The following PTPRE variants were observed in gnomAD, a reference collection of about 807,000 sequenced individuals.
PTPRE encodes protein tyrosine phosphatase receptor type E, also known as receptor-type tyrosine-protein phosphatase epsilon.
A neutral mutation model predicts 102.0 loss-of-function variants in PTPRE; 51 were observed. The observed-to-expected ratio is 0.50, with a 90% CI of 0.40 to 0.63. The LOEUF is 0.63. Among genes scored for constraint, PTPRE ranks in the 30% least tolerant of loss-of-function variants. The pLI, the probability that PTPRE is intolerant of heterozygous loss-of-function variation, is 0.00. For missense variants in PTPRE, 752 were observed against 915.1 expected (o/e 0.82, Z 2.30); for synonymous variants, 345 against 348.2 (o/e 0.99, Z 0.10).
chr10:127,966,719 C>T (rs891796492), intron 1 of PTPRE, among the ~76,000 whole-genome samples: 2 of 152,178 alleles, frequency 1.3e-5, no homozygotes, highest in African/African-American at 4.8e-5. Flanking sequence ...GTTGAGGTAA[C>T]TGCCCAGGCT....
intron 1 of PTPRE, among the ~76,000 whole-genome samples, chr10:127,925,656 C>T (rs1846949887): frequency 6.6e-6 from 1 of 152,276 alleles, no homozygotes; most frequent in Middle Eastern, 3.4e-3. Context: ...GCCTGCTAGG[C>T]CCTTCCAGCT....
Position 128,079,599 on chromosome 10 carries a change from C to T in PTPRE, c.1932C>T (p.Ser644=), listed in dbSNP as rs766120908. The change falls in exon 20 of 21, where the codon AGC becomes AGT. Residue 644 remains serine, a synonymous_variant. Transcript: ENST00000254667. The stretch of plus-strand genomic sequence containing the variant: ...GAACAGGTACATTCATAGCCCTCAG[C>T]AACATTTTGGAGCGAGTAAAAGCCG... ...AGRTGTFIAL[S]NILERVKAEG... 95 of 1,614,136 alleles carry T rather than the reference C, an allele frequency of 5.9e-5. 1 individual carries two copies. In the Middle Eastern group the frequency reaches 4.1e-3, roughly 70 times the overall value.
chr10:127,917,202 T>C (rs778001538), intron 1 of PTPRE, among the ~76,000 whole-genome samples: 15 of 150,228 alleles, frequency 1.0e-4, no homozygotes, highest in Non-Finnish European at 1.8e-4. Flanking sequence ...GAGATGATGG[T>C]GCGCCCAGGG....
At chr10:127,911,338 G>A (rs952824774) in intron 1 of PTPRE, among the ~76,000 whole-genome samples, 6 of 152,168 alleles carry the variant, frequency 3.9e-5, no homozygotes, top group Non-Finnish European at 7.4e-5. Context: ...TCCAGTGATC[G>A]ATGAGGCAGA....
At chr10:128,061,258 T>C (rs941718524) in intron 8 of PTPRE, among the ~76,000 whole-genome samples, 7 of 152,276 alleles carry the variant, frequency 4.6e-5, no homozygotes, top group African/African-American at 1.4e-4. Context: ...CCTGACCAAA[T>C]AGAACAGGGA....
In PTPRE at chr10:128,046,972, G is replaced by A. The variant is rs1848142544; in HGVS notation, c.110-418G>A. 9.9e-5 allele frequency among the ~76,000 whole-genome samples: 15 copies of A among 152,200 alleles called. 1 individual carries two copies. The highest frequency in any genetic ancestry group is 9.8e-4 in the Admixed American group (15 of 15,290). On this transcript the variant is annotated intron_variant, in intron 3 of 20. Transcript: ENST00000254667. ...AGGGCCAGGCCGCCTCCCTGTGCCT[G>A]AGCTCCTGCCCAAGCCCAAGGGGCC...
chr10:128,049,732 G>A (rs1848403298), intron 6 of PTPRE, 66 bp downstream of exon 6: 1 of 1,601,498 alleles, frequency 6.2e-7, no homozygotes, highest in South Asian at 1.1e-5. Flanking sequence ...CAGTGTTAGA[G>A]TTCAGGATGA....
intron 11 of PTPRE, among the ~76,000 whole-genome samples, chr10:128,067,543 C>A (rs1267660552): frequency 2.0e-5 from 3 of 152,236 alleles, no homozygotes; most frequent in Admixed American, 6.5e-5. Context: ...CACATGCATA[C>A]ATGTGCACAC....
intron 7 of PTPRE, among the ~76,000 whole-genome samples, chr10:128,057,422 C>T (rs1849085293): frequency 6.6e-6 from 1 of 152,126 alleles, no homozygotes; most frequent in Non-Finnish European, 1.5e-5. Flanking sequence ...CTGCCAGGGC[C>T]TTGGTGGGAT....
intron 1 of PTPRE, among the ~76,000 whole-genome samples, chr10:127,945,245 T>C (rs1362011779): frequency 6.6e-6 from 1 of 152,232 alleles, no homozygotes; most frequent in East Asian, 1.9e-4. Flanking sequence ...CCCTGCTTAG[T>C]TGTGCTGCTG....
chr10:128,064,119 G>T (rs766416495), intron 10 of PTPRE, among the ~76,000 whole-genome samples: 4 of 152,236 alleles, frequency 2.6e-5, no homozygotes, highest in Non-Finnish European at 5.9e-5. Flanking sequence ...GGGAAGGGCT[G>T]CCATTTTTAG....
rs529158517 is a variant in PTPRE, at chr10:127,977,518, G to A, written c.-30-4756G>A. Among the ~76,000 whole-genome samples the A allele has an allele frequency of 2.0e-3, 311 of 152,292 alleles. 5 individuals carry two copies. The highest frequency in any genetic ancestry group is 1.7e-3 in the Non-Finnish European group (115 of 68,024). ...TTCTGCCCACTCGAATGCTTGTGGC[G>A]CCTTAAGCCAAGGTTGTGTGTAAAA... On this transcript the variant is annotated intron_variant, in intron 1 of 20. Coordinates refer to ENST00000254667, the MANE Select transcript of PTPRE (RefSeq NM_006504.6).
At chr10:127,972,030 C>T (rs1285104076) in intron 1 of PTPRE, among the ~76,000 whole-genome samples, 6 of 152,184 alleles carry the variant, frequency 3.9e-5, no homozygotes, top group South Asian at 4.1e-4. Context: ...AGTTTGGAGC[C>T]GGGTGGGAAG....
At position 128,028,379 on chromosome 10, in the gene PTPRE, T is replaced by A. The variant is rs1846441064; in HGVS notation, c.-7-12496T>A. 6.6e-6 allele frequency among the ~76,000 whole-genome samples: 1 copy of A among 152,138 alleles called. No individual in the cohort carries two copies. Among genetic ancestry groups the A allele is most frequent in the Non-Finnish European group, 1.5e-5 (1 of 68,008 alleles). ...GGGATTAGGACCTGAAGGATATCAT[T>A]GAGCCCGCGCCCGCCCCAGGCTGGA... On this transcript the variant is annotated intron_variant, in intron 2 of 20. Transcript: ENST00000254667. This position sits in a 1 kb window ranked among gnomAD's most constrained non-coding sequence, Gnocchi z 4.5.
chr10:128,058,378 G>A (rs1477833895), intron 7 of PTPRE, among the ~76,000 whole-genome samples: 3 of 152,240 alleles, frequency 2.0e-5, no homozygotes, highest in Non-Finnish European at 4.4e-5. Context: ...GCCTGAAAGT[G>A]TAGTCAGATT....
chr10:127,957,409 C>T (rs1849482874), intron 1 of PTPRE, among the ~76,000 whole-genome samples: 1 of 152,154 alleles, frequency 6.6e-6, no homozygotes, highest in Non-Finnish European at 1.5e-5. Flanking sequence ...ATTTCTCTTC[C>T]ATTCTGTTGG....
Position 127,997,164 on chromosome 10 carries a change from A to T in PTPRE, c.-8+14868A>T, listed in dbSNP as rs1853351978. ...TTCAAACAGCAGCCTCTGAAGTACA[A>T]TCCAGATTATTTCTCCCCTTTTGAT... On this transcript the variant is annotated intron_variant, in intron 2 of 20. Coordinates refer to ENST00000254667, the MANE Select transcript of PTPRE (RefSeq NM_006504.6). Among the ~76,000 whole-genome samples the T allele has an allele frequency of 2.0e-5, 3 of 152,292 alleles. No homozygotes were observed. In the Middle Eastern group the frequency reaches 0.01, roughly 518 times the overall value.
At chr10:127,954,045 A>G (rs2135357619) in intron 1 of PTPRE, among the ~76,000 whole-genome samples, 1 of 152,370 alleles carries the variant, frequency 6.6e-6, no homozygotes, top group East Asian at 1.9e-4. Flanking sequence ...TTTGTGTTCC[A>G]TATCAATGCC....
chr10:128,035,089 C>A (rs1266146828), intron 2 of PTPRE, among the ~76,000 whole-genome samples: 2 of 151,970 alleles, frequency 1.3e-5, no homozygotes, highest in African/African-American at 4.8e-5. Flanking sequence ...CTCAAGTGAT[C>A]CTCCCACCTC....
Sources: allele counts gnomAD v4.1 joint callset (sites outside exome capture counted in the v4.1 genomes callset), GRCh38; gene constraint gnomAD v4.1.1; non-coding constraint Gnocchi (gnomAD v3.1); transcripts MANE v1.5; gene names NCBI Gene and HGNC (gene_info 2026-07-23, HGNC 2026-07-21).